Variants in BTBD9 observed in about 807,000 individuals in gnomAD.
BTBD9 encodes the protein BTB/POZ domain-containing protein 9.
Under a neutral mutation model 64.3 loss-of-function variants are expected in BTBD9, and 49 were observed. The observed-to-expected ratio is 0.76, with a 90% CI of 0.61 to 0.97. The LOEUF is 0.97. BTBD9 is among the 50% of genes least tolerant of loss of function. BTBD9 has a pLI of 0.00. For missense variants in BTBD9, 598 were observed against 762.1 expected, an observed-to-expected ratio of 0.78 and a Z score of 2.53; for synonymous variants, 260 against 274.7, an observed-to-expected ratio of 0.95 and a Z score of 0.53.
intron 6 of BTBD9, among the ~76,000 whole-genome samples, chr6:38,465,707 T>TATA (rs1491184653): frequency 1.1e-4 from 5 of 46,852 alleles, no homozygotes; most frequent in African/African-American, 3.8e-4. Context: ...AATAAATAAA[T>TATA]TATATATATA....
chr6:38,260,516 G>A (rs1016794740), intron 8 of BTBD9, among the ~76,000 whole-genome samples: 5 of 152,094 alleles, frequency 3.3e-5, no homozygotes, highest in Admixed American at 6.6e-5. Context: ...GCCTTGAAGA[G>A]GATATGGGAT....
intron 9 of BTBD9, among the ~76,000 whole-genome samples, chr6:38,229,926 TAA>T (rs1479716826): frequency 1.1e-4 from 17 of 152,152 alleles, no homozygotes; most frequent in Admixed American, 9.8e-4. Flanking sequence ...AGGGCATTGA[TAA>T]AAAGAGTGAA....
intron 9 of BTBD9, among the ~76,000 whole-genome samples, chr6:38,247,112 C>T (rs1764235401): frequency 6.6e-6 from 1 of 151,160 alleles, no homozygotes; most frequent in African/African-American, 2.4e-5. Context: ...AAACAAATAT[C>T]AAACCTTTCT....
At chr6:38,376,164 G>A (rs1161562604) in intron 6 of BTBD9, among the ~76,000 whole-genome samples, 2 of 152,080 alleles carry the variant, frequency 1.3e-5, no homozygotes, top group Non-Finnish European at 2.9e-5. Context: ...ACAAAAGACA[G>A]ATGTTATACA....
At chr6:38,560,758 G>A (rs957435053) in intron 6 of BTBD9, among the ~76,000 whole-genome samples, 1 of 152,024 alleles carries the variant, frequency 6.6e-6, no homozygotes, top group Non-Finnish European at 1.5e-5. Context: ...GTACACCCCA[G>A]TGTCTACTGT....
At chr6:38,590,847 A>G (rs1051433874) in intron 4 of BTBD9, among the ~76,000 whole-genome samples, 6 of 152,204 alleles carry the variant, frequency 3.9e-5, no homozygotes, top group Non-Finnish European at 1.5e-5. Flanking sequence ...CTTAGATTTG[A>G]TAACAAATGG....
At chr6:38,237,836 T>C (rs1383950424) in intron 9 of BTBD9, among the ~76,000 whole-genome samples, 1 of 92,074 alleles carries the variant, frequency 1.1e-5, no homozygotes, top group African/African-American at 3.9e-5. Context: ...TATTTTCCAA[T>C]GTTTTAAAAA....
At chr6:38,248,912 C>G (rs771685244) in intron 9 of BTBD9, among the ~76,000 whole-genome samples, 1 of 152,032 alleles carries the variant, frequency 6.6e-6, no homozygotes, top group Non-Finnish European at 1.5e-5. Flanking sequence ...ATTTCCATAC[C>G]GAAGCAAACT....
chr6:38,557,760 A>G (rs757426939), intron 6 of BTBD9, among the ~76,000 whole-genome samples: 1 of 151,268 alleles, frequency 6.6e-6, no homozygotes, highest in Non-Finnish European at 1.5e-5. Context: ...GACCAGGCAC[A>G]TATCTTCTAA....
At chr6:38,602,568 T>G (rs1209723202) in intron 1 of BTBD9, among the ~76,000 whole-genome samples, 1 of 152,070 alleles carries the variant, frequency 6.6e-6, no homozygotes, top group African/African-American at 2.4e-5. Flanking sequence ...CTGGGGCTGT[T>G]GGAAAATTTT....
At chr6:38,578,819 G>A (rs1776165063) in intron 5 of BTBD9, among the ~76,000 whole-genome samples, 1 of 152,168 alleles carries the variant, frequency 6.6e-6, no homozygotes, top group Admixed American at 6.5e-5. Context: ...TGAATGTAAT[G>A]CACATACTGA....
intron 6 of BTBD9, among the ~76,000 whole-genome samples, chr6:38,544,927 C>CAAAAAAAAA (rs58694810): frequency 5.6e-4 from 27 of 48,296 alleles, no homozygotes; most frequent in Non-Finnish European, 8.6e-4. Flanking sequence ...AACTACATCT[C>CAAAAAAAAA]AAAAAAAAAA....
chr6:38,338,752 C>T (rs1763993517), intron 7 of BTBD9, among the ~76,000 whole-genome samples: 2 of 152,074 alleles, frequency 1.3e-5, no homozygotes, highest in Admixed American at 1.3e-4. Context: ...TTTACTGCTC[C>T]CCCAAGTCTT....
At chr6:38,485,311 T>C (rs77017216) in intron 6 of BTBD9, among the ~76,000 whole-genome samples, 1 of 152,190 alleles carries the variant, frequency 6.6e-6, no homozygotes, top group South Asian at 2.1e-4. Context: ...GGCCTCTAAA[T>C]GGTGAATACT....
chr6:38,428,310 T>C (rs62397048), intron 6 of BTBD9, among the ~76,000 whole-genome samples: 18,107 of 151,624 alleles, frequency 0.12, 1,266 homozygotes, highest in Non-Finnish European at 0.13. Flanking sequence ...CCTGGTTGAA[T>C]TGACCACTCC....
In BTBD9 at chr6:38,278,282, A is replaced by T. The variant is rs531953049; in HGVS notation, c.1454+9990T>A. Among the ~76,000 whole-genome samples, 33 of 152,370 alleles carry T rather than the reference A, an allele frequency of 2.2e-4. 1 individual carries two copies. In the South Asian group the frequency reaches 6.8e-3, roughly 32 times the overall value. ...GCCCCTGTGGACTTTTTGTTATGTG[A>T]CACAAAAACAAACAAACAAAACAAA... On this transcript the variant is annotated intron_variant, in intron 8 of 10. Coordinates refer to ENST00000481247, the MANE Select transcript of BTBD9 (RefSeq NM_001099272.2).
chr6:38,192,490 T>C (rs1052609004), intron 10 of BTBD9, 29 bp downstream of exon 10: 1 of 1,585,818 alleles, frequency 6.3e-7, no homozygotes, highest in South Asian at 1.1e-5. Flanking sequence ...TGAAATCTCA[T>C]GGCACCTCTC....
chr6:38,476,115 G>A (rs376276295), intron 6 of BTBD9, among the ~76,000 whole-genome samples: 3 of 152,150 alleles, frequency 2.0e-5, no homozygotes, highest in Non-Finnish European at 4.4e-5. Flanking sequence ...TAATTTAACC[G>A]TTAAATATCA....
At chr6:38,547,197 C>T (rs977548709) in intron 6 of BTBD9, among the ~76,000 whole-genome samples, 3 of 152,124 alleles carry the variant, frequency 2.0e-5, no homozygotes, top group Admixed American at 6.6e-5. Context: ...ACAATGTCCT[C>T]TAAGTGCTCA....
Sources: allele counts gnomAD v4.1 joint callset (sites outside exome capture counted in the v4.1 genomes callset), GRCh38; gene constraint gnomAD v4.1.1; transcripts MANE v1.5; gene names NCBI Gene and HGNC (gene_info 2026-07-23, HGNC 2026-07-21).